The following LAMB4 variants were observed in gnomAD, a reference collection of about 807,000 sequenced individuals.
LAMB4 encodes laminin subunit beta 4, also known as laminin subunit beta-4.
In LAMB4, 196 loss-of-function variants were observed where a neutral mutation model predicts 199.2. The observed-to-expected ratio is 0.98, with a 90% CI of 0.88 to 1.11. The LOEUF is 1.11. Ranked by LOEUF, LAMB4 falls within the 50% of genes least tolerant of loss-of-function variation. The pLI is 0.00. For synonymous variants in LAMB4, 744 were observed against 770.6 expected (o/e 0.97, Z 0.57); for missense variants, 2,080 against 2,171.2 (o/e 0.96, Z 0.83).
In LAMB4 at chr7:108,086,943, G is replaced by A. The variant is rs994521504; in HGVS notation, c.1701+4683C>T. Among the ~76,000 whole-genome samples the A allele has an allele frequency of 2.6e-5, 4 of 152,130 alleles. No homozygotes were observed. The East Asian group carries it at 7.7e-4, about 29-fold the overall frequency. On this transcript the variant is annotated intron_variant, in intron 14 of 33. Coordinates refer to ENST00000388781, the MANE Select transcript of LAMB4 (RefSeq NM_007356.3). ...TTGAGGATCACTGAGGGAATTAGGG[G>A]AGGGGACTAGCGACTCATTCCCCAG... is the stretch of plus-strand genomic sequence containing the variant.
rs11766923 is a variant in LAMB4, at chr7:108,112,756, G to A, written c.193-810C>T. Reference sequence around the variant, plus strand: ...CAGTTATTCCTGGCTAATACTCAGAGGACTCTGAAGGAGCTCTTTTGCAAA... The same window carrying A: ...CAGTTATTCCTGGCTAATACTCAGAAGACTCTGAAGGAGCTCTTTTGCAAA... On this transcript the variant is annotated intron_variant, in intron 3 of 33. Transcript: ENST00000388781. Among the ~76,000 whole-genome samples the A allele has an allele frequency of 1.6e-3, 248 of 152,310 alleles. 1 individual carries two copies. Among genetic ancestry groups the A allele is most frequent in the Non-Finnish European group, 3.0e-3 (201 of 68,026 alleles).
At chr7:108,112,140 A>G (rs918862504) in intron 3 of LAMB4, among the ~76,000 whole-genome samples, 194 bp from the exon 4 acceptor site, 1 of 152,248 alleles carries the variant, frequency 6.6e-6, no homozygotes, top group African/African-American at 2.4e-5. Context: ...CTAAAATTTT[A>G]TAAATTTATA....
At chr7:108,049,069 GT>G (rs2035744047) in intron 27 of LAMB4, among the ~76,000 whole-genome samples, 1 of 151,986 alleles carries the variant, frequency 6.6e-6, no homozygotes, top group Non-Finnish European at 1.5e-5. Context: ...AGCCTGTACT[GT>G]TTTAGAAATA....
intron 12 of LAMB4, among the ~76,000 whole-genome samples, chr7:108,095,015 G>A (rs909447522): frequency 6.6e-6 from 1 of 152,070 alleles, no homozygotes; most frequent in Non-Finnish European, 1.5e-5. Context: ...GTCCAGTGGT[G>A]AGCTGGTAAA....
chr7:108,123,242 AT>A, intron 1 of LAMB4, 45 bp from the exon 2 acceptor site: 1 of 1,182,496 alleles, frequency 8.5e-7, no homozygotes, highest in Non-Finnish European at 1.2e-6. Flanking sequence ...AGAAGAAATA[AT>A]TGCCATCATC....
At chr7:108,113,442 A>C (rs1000063762) in intron 3 of LAMB4, among the ~76,000 whole-genome samples, 3 of 152,204 alleles carry the variant, frequency 2.0e-5, no homozygotes, top group Non-Finnish European at 2.9e-5. Context: ...AGATTCATAT[A>C]ATCAGTGTAT....
chr7:108,106,611 T>A, intron 6 of LAMB4, 39 bp from the exon 7 acceptor site: 1 of 1,146,190 alleles, frequency 8.7e-7, no homozygotes, highest in Non-Finnish European at 1.3e-6. Context: ...GTATATTACC[T>A]GAAAACGTAA....
Position 108,104,957 on chromosome 7 carries a change from A to AT in LAMB4, c.871-339dup, listed in dbSNP as rs550114228. Among the ~76,000 whole-genome samples the AT allele has an allele frequency of 5.0e-3, 761 of 151,948 alleles. 9 individuals carry two copies. Among genetic ancestry groups the AT allele is most frequent in the African/African-American group, 0.017 (698 of 41,418 alleles). On this transcript the variant is annotated intron_variant, in intron 8 of 33. Transcript: ENST00000388781. ...GAGTTGGGGGGGAGTAGTATATAGG[A>AT]TTTTTTAGGAGCATAAGAGAAAATA...
chr7:108,122,147 T>TA (rs2038621943), intron 2 of LAMB4, among the ~76,000 whole-genome samples: 1 of 152,198 alleles, frequency 6.6e-6, no homozygotes, highest in South Asian at 2.1e-4. Context: ...CAACTGTGGA[T>TA]CGGTTTAGAA....
chr7:108,083,610 T>TA (rs1195101480), intron 14 of LAMB4, among the ~76,000 whole-genome samples: 7 of 152,202 alleles, frequency 4.6e-5, no homozygotes, highest in Non-Finnish European at 8.8e-5. Context: ...TGGGGCCCCT[T>TA]AAAGATGCAG....
Position 108,030,888 on chromosome 7 carries a change from T to C in LAMB4, c.4910A>G (p.Lys1637Arg). The C allele has an allele frequency of 6.2e-7, 1 of 1,614,170 alleles. No homozygotes were observed. Residue 1637 changes from lysine (K) to arginine (R), a missense_variant, in exon 32 of 34, where the codon AAG becomes AGG. Coordinates refer to ENST00000388781, the MANE Select transcript of LAMB4 (RefSeq NM_007356.3). Reference protein sequence around the residue: ...LEDGLSLLQTKLQRHQDHAVN... With the variant: ...LEDGLSLLQTRLQRHQDHAVN... ...AGCGTGGTCTTGATGCCTTTGCAAC[T>C]TGGTCTGCAGCAGGGAAAGTCCATC... is the stretch of plus-strand genomic sequence containing the variant.
At chr7:108,094,874 A>T (rs1381773387) in intron 12 of LAMB4, among the ~76,000 whole-genome samples, 1 of 152,208 alleles carries the variant, frequency 6.6e-6, no homozygotes, top group Non-Finnish European at 1.5e-5. Flanking sequence ...GGGATTGTGT[A>T]CAAGGGATAG....
intron 2 of LAMB4, 37 bp downstream of exon 2, chr7:108,123,094 C>T (rs201684858): frequency 4.4e-5 from 69 of 1,576,210 alleles, no homozygotes; most frequent in Middle Eastern, 3.4e-4. Flanking sequence ...TTTAGGACAG[C>T]GCAAGCAGTA....
intron 4 of LAMB4, among the ~76,000 whole-genome samples, chr7:108,111,577 A>G (rs1299169755): frequency 6.6e-6 from 1 of 152,236 alleles, no homozygotes; most frequent in African/African-American, 2.4e-5. Flanking sequence ...ACATGGAAAG[A>G]GTGAAACATT....
chr7:108,026,448 C>T (rs1174266289), intron 33 of LAMB4: 1 of 156,956 alleles, frequency 6.4e-6, no homozygotes, highest in African/African-American at 2.4e-5. Context: ...GCCAGCATCT[C>T]AGCCACACCT....
intron 13 of LAMB4, 148 bp downstream of exon 13, chr7:108,092,189 T>G: frequency 3.1e-6 from 2 of 652,016 alleles, no homozygotes; most frequent in Non-Finnish European, 5.3e-6. Context: ...ATATTTGAAG[T>G]GAAAGAAATC....
chr7:108,073,762 C>T (rs981587789), intron 17 of LAMB4, among the ~76,000 whole-genome samples: 14 of 152,332 alleles, frequency 9.2e-5, no homozygotes, highest in African/African-American at 3.1e-4. Flanking sequence ...AGGACTTTCT[C>T]CTCCTGGACA....
At chr7:108,032,051 T>C (rs1013791688) in intron 31 of LAMB4, among the ~76,000 whole-genome samples, 2 of 152,218 alleles carry the variant, frequency 1.3e-5, no homozygotes, top group African/African-American at 2.4e-5. Flanking sequence ...CTCTGTCTGT[T>C]GTGTCCTGAT....
chr7:108,120,120 A>G lies in LAMB4; in HGVS notation c.34+3011T>C, dbSNP rs146193688. 1.2e-3 allele frequency among the ~76,000 whole-genome samples: 189 copies of G among 152,290 alleles called. 1 individual carries two copies. Among genetic ancestry groups the G allele is most frequent in the African/African-American group, 4.4e-3 (184 of 41,550 alleles). ...ATTTCAGTAGACAGGAGTGACAGGGATGGGCCTATAATAAAAAATAATAAC... is the reference window on the plus strand; with the variant it reads ...ATTTCAGTAGACAGGAGTGACAGGGGTGGGCCTATAATAAAAAATAATAAC... On this transcript the variant is annotated intron_variant, in intron 2 of 33. Transcript: ENST00000388781.
Sources: gnomAD v4.1 joint callset for allele counts (sites outside exome capture counted in the v4.1 genomes callset) on GRCh38, gnomAD v4.1.1 for gene constraint, MANE v1.5 for transcripts, NCBI Gene and HGNC (gene_info 2026-07-23, HGNC 2026-07-21) for gene names.